Variants in GRID2 observed in about 807,000 individuals in gnomAD.
The protein encoded by GRID2 is glutamate ionotropic receptor delta type subunit 2, also known as glutamate receptor ionotropic, delta-2.
Under a neutral mutation model 114.8 loss-of-function variants are expected in GRID2, and 33 were observed. That is an observed-to-expected ratio of 0.29 (90% CI 0.22 to 0.38). GRID2 has a LOEUF of 0.38. Among genes scored for constraint, GRID2 ranks in the 10% least tolerant of loss-of-function variants. GRID2 has a pLI of 1.00. For missense variants in GRID2, 1,184 were observed against 1,257.7 expected, an observed-to-expected ratio of 0.94 and a Z score of 0.89; for synonymous variants, 505 against 449.9, an observed-to-expected ratio of 1.12 and a Z score of -1.55.
At chr4:93,141,897 A>AT (rs1347978024) in intron 4 of GRID2, among the ~76,000 whole-genome samples, 1 of 152,188 alleles carries the variant, frequency 6.6e-6, no homozygotes, top group Non-Finnish European at 1.5e-5. Flanking sequence ...ATAACAAGGG[A>AT]TTTGGACAGT....
chr4:92,426,958 GT>G (rs1344333805), intron 1 of GRID2, among the ~76,000 whole-genome samples: 1 of 152,100 alleles, frequency 6.6e-6, no homozygotes, highest in Non-Finnish European at 1.5e-5. Flanking sequence ...GTGTGTTAGT[GT>G]CAGGACACAG....
At chr4:92,765,972 C>T (rs765437320) in intron 2 of GRID2, among the ~76,000 whole-genome samples, 7 of 152,146 alleles carry the variant, frequency 4.6e-5, no homozygotes, top group Non-Finnish European at 7.3e-5. Flanking sequence ...TCTGTAGAGA[C>T]TGACCTAGAA....
At chr4:93,141,423 CA>C (rs1464468556) in intron 4 of GRID2, among the ~76,000 whole-genome samples, 2 of 151,956 alleles carry the variant, frequency 1.3e-5, no homozygotes, top group Admixed American at 6.6e-5. Context: ...TACCTTGACT[CA>C]AAAAGTGAGG....
Position 93,021,269 on chromosome 4 carries a change from A to T in GRID2, c.245-63726A>T, listed in dbSNP as rs1432933104. ...CTCTTTGTAAGCATTCCAGAAAGCA[A>T]TCTTACTGGATAATTTATAGATAAC... On this transcript the variant is annotated intron_variant, in intron 2 of 15. Transcript: ENST00000282020. Among the ~76,000 whole-genome samples, 7 of 151,664 alleles carry T rather than the reference A, an allele frequency of 4.6e-5. No homozygotes were observed. The South Asian group carries it at 6.2e-4, about 13-fold the overall frequency.
intron 2 of GRID2, among the ~76,000 whole-genome samples, chr4:92,708,809 G>A (rs186365383): frequency 3.3e-5 from 5 of 152,176 alleles, no homozygotes; most frequent in South Asian, 4.2e-4. Context: ...GCCTGTAATC[G>A]CAGCTACTTG....
At chr4:92,822,501 G>A (rs1310026844) in intron 2 of GRID2, 1 of 407,860 alleles carries the variant, frequency 2.5e-6, no homozygotes, top group Non-Finnish European at 4.8e-6. Context: ...TCTCCACCTG[G>A]ACAGTGTATT....
chr4:92,861,922 T>C (rs1159355971), intron 2 of GRID2, among the ~76,000 whole-genome samples: 1 of 152,078 alleles, frequency 6.6e-6, no homozygotes, highest in Non-Finnish European at 1.5e-5. Flanking sequence ...TATAATTATC[T>C]CTGTTGCTTA....
chr4:93,002,943 A>T (rs1721156131), intron 2 of GRID2, among the ~76,000 whole-genome samples: 1 of 151,680 alleles, frequency 6.6e-6, no homozygotes, highest in Non-Finnish European at 1.5e-5. Context: ...ACACGACTAC[A>T]TCCTTTTCCT....
chr4:93,096,993 T>C (rs1731280541), intron 3 of GRID2, among the ~76,000 whole-genome samples: 2 of 151,942 alleles, frequency 1.3e-5, no homozygotes, highest in Non-Finnish European at 2.9e-5. Flanking sequence ...TATTGAAATA[T>C]GAAGAAACAC....
At chr4:92,795,239 G>C (rs1209120685) in intron 2 of GRID2, among the ~76,000 whole-genome samples, 1 of 151,798 alleles carries the variant, frequency 6.6e-6, no homozygotes, top group African/African-American at 2.4e-5. Flanking sequence ...TGTGCTGTAG[G>C]AGGGACCCAG....
intron 1 of GRID2, among the ~76,000 whole-genome samples, chr4:92,321,601 G>T (rs541252122): frequency 6.6e-6 from 1 of 152,178 alleles, no homozygotes; most frequent in East Asian, 1.9e-4. Flanking sequence ...CATTGTAAAA[G>T]AGCCAAGAGT....
chr4:92,756,770 T>C (rs912373472), intron 2 of GRID2, among the ~76,000 whole-genome samples: 4 of 152,152 alleles, frequency 2.6e-5, no homozygotes, highest in Admixed American at 6.5e-5. Flanking sequence ...TTTTGAGTAG[T>C]GTGTATTTAG....
At chr4:93,686,278 C>T (rs1213914943) in intron 14 of GRID2, among the ~76,000 whole-genome samples, 1 of 151,944 alleles carries the variant, frequency 6.6e-6, no homozygotes, top group Admixed American at 6.6e-5. Flanking sequence ...ATCCCTAAAC[C>T]CTGCTCATGA....
intron 1 of GRID2, among the ~76,000 whole-genome samples, chr4:93,798,083 G>A (rs1339906053): frequency 6.6e-6 from 1 of 152,074 alleles, no homozygotes; most frequent in African/African-American, 2.4e-5. Flanking sequence ...AACTTGAGAG[G>A]CAGATGTTGC....
intron 4 of GRID2, among the ~76,000 whole-genome samples, chr4:93,175,773 GA>G (rs1181065128): frequency 2.0e-5 from 3 of 151,874 alleles, no homozygotes; most frequent in Admixed American, 6.6e-5. Flanking sequence ...TCCATGTTTT[GA>G]AAAAAATATT....
intron 2 of GRID2, among the ~76,000 whole-genome samples, chr4:92,698,808 C>T (rs999472763): frequency 6.6e-6 from 1 of 151,950 alleles, no homozygotes; most frequent in Non-Finnish European, 1.5e-5. Flanking sequence ...TTCTTATATT[C>T]ATCATAAGCC....
chr4:93,301,148 A>G (rs1754831403), intron 8 of GRID2, among the ~76,000 whole-genome samples: 1 of 152,184 alleles, frequency 6.6e-6, no homozygotes. Flanking sequence ...CCCTCAATAC[A>G]CAAATTTTCT....
chr4:92,411,340 A>G (rs934704239), intron 1 of GRID2, among the ~76,000 whole-genome samples: 4 of 152,000 alleles, frequency 2.6e-5, no homozygotes, highest in Non-Finnish European at 5.9e-5. Context: ...TTTGCTTCAT[A>G]TTTACCTTAA....
intron 12 of GRID2, among the ~76,000 whole-genome samples, chr4:93,504,413 A>G (rs1728431671): frequency 6.6e-6 from 1 of 151,984 alleles, no homozygotes; most frequent in East Asian, 1.9e-4. Context: ...TGTTAATTTG[A>G]AGTATGGAAT....
Sources: allele counts gnomAD v4.1 joint callset (sites outside exome capture counted in the v4.1 genomes callset), GRCh38; gene constraint gnomAD v4.1.1; transcripts MANE v1.5; gene names NCBI Gene and HGNC (gene_info 2026-07-23, HGNC 2026-07-21).